Variants in NEK11 observed in about 807,000 individuals in gnomAD.
NEK11 encodes serine/threonine-protein kinase Nek11.
NEK11 carries 72 observed loss-of-function variants against 80.7 expected under a neutral mutation model. The ratio of observed to expected loss-of-function variants is 0.89; its 90% confidence interval spans 0.74 to 1.08. The LOEUF (loss-of-function observed/expected upper bound fraction) is 1.08. Ranked by LOEUF, NEK11 falls within the 50% of genes least tolerant of loss-of-function variation. NEK11 has a pLI of 0.00. For synonymous variants in NEK11, 251 were observed against 260.7 expected (o/e 0.96, Z 0.36); for missense variants, 764 against 763.6 (o/e 1.00, Z -0.01).
chr3:131,190,240 T>C (rs374456523), intron 14 of NEK11, among the ~76,000 whole-genome samples: 1 of 152,194 alleles, frequency 6.6e-6, no homozygotes, highest in African/African-American at 2.4e-5. Flanking sequence ...GGCACTGTCC[T>C]GTGCACTGAG....
chr3:131,069,449 C>G (rs1390917944), intron 3 of NEK11, among the ~76,000 whole-genome samples: 2 of 152,128 alleles, frequency 1.3e-5, no homozygotes, highest in Non-Finnish European at 2.9e-5. Flanking sequence ...ACTAGAAATA[C>G]CATTTGACCC....
intron 4 of NEK11, among the ~76,000 whole-genome samples, chr3:131,108,220 G>A (rs980722638): frequency 1.3e-5 from 2 of 152,092 alleles, no homozygotes; most frequent in Non-Finnish European, 2.9e-5. Flanking sequence ...AATAAAAAGT[G>A]CATTAGAAGT....
intron 17 of NEK11, among the ~76,000 whole-genome samples, chr3:131,334,540 A>G (rs2097149286): frequency 6.6e-6 from 1 of 151,116 alleles, no homozygotes. Flanking sequence ...TGACACCCTA[A>G]CATCACAATT....
chr3:131,337,877 A>G (rs990436724), intron 17 of NEK11, among the ~76,000 whole-genome samples: 3 of 152,190 alleles, frequency 2.0e-5, no homozygotes, highest in Non-Finnish European at 4.4e-5. Context: ...CAGGAGTTAT[A>G]TCGCATACCT....
intron 16 of NEK11, among the ~76,000 whole-genome samples, chr3:131,272,724 C>T (rs2096221324): frequency 6.6e-6 from 1 of 152,024 alleles, no homozygotes; most frequent in Admixed American, 6.6e-5. Context: ...GATCCGCCCA[C>T]CTCAGCCTTC....
intron 14 of NEK11, among the ~76,000 whole-genome samples, chr3:131,223,692 C>T (rs991615842): frequency 2.0e-5 from 3 of 152,108 alleles, no homozygotes; most frequent in East Asian, 3.9e-4. Context: ...TACTATCTAG[C>T]CCTTTACAGA....
chr3:131,326,038 T>C (rs1350913749), intron 17 of NEK11: 1 of 152,328 alleles, frequency 6.6e-6, no homozygotes, highest in Non-Finnish European at 1.5e-5. Flanking sequence ...AAAGTTGGAA[T>C]TGTCATGAAA....
intron 16 of NEK11, among the ~76,000 whole-genome samples, chr3:131,256,138 A>G (rs997904348): frequency 3.3e-5 from 5 of 152,164 alleles, no homozygotes; most frequent in Admixed American, 1.3e-4. Flanking sequence ...TCGGTATTCT[A>G]TTGCACAGTT....
chr3:131,240,525 T>TTTGTTG (rs200902975), intron 15 of NEK11, among the ~76,000 whole-genome samples: 216 of 151,954 alleles, frequency 1.4e-3, no homozygotes, highest in African/African-American at 4.9e-3. Context: ...ATAATTGGTT[T>TTTGTTG]TTGTTGTTGT....
chr3:131,027,461 C>G (rs894605500), intron 1 of NEK11: 2 of 151,926 alleles, frequency 1.3e-5, no homozygotes, highest in African/African-American at 4.8e-5. Context: ...ATCTAGCTTT[C>G]TTAACTAACC....
In NEK11 at chr3:131,039,113, G is replaced by T. The variant is rs191161099; in HGVS notation, c.170+9235G>T. On this transcript the variant is annotated intron_variant, in intron 3 of 17. Coordinates refer to ENST00000383366, the MANE Select transcript of NEK11 (RefSeq NM_024800.5). The stretch of plus-strand genomic sequence containing the variant: ...GTATCTCATTTATTCAATAAATAAA[G>T]TATTTTAGGATGAGTGCAAAAAATG... Among the ~76,000 whole-genome samples, 75 of 152,208 alleles carry T rather than the reference G, an allele frequency of 4.9e-4. 1 individual carries two copies. The highest frequency in any genetic ancestry group is 1.0e-3 in the Non-Finnish European group (68 of 68,002).
intron 3 of NEK11, among the ~76,000 whole-genome samples, chr3:131,071,925 C>A (rs1276923152): frequency 1.3e-5 from 2 of 152,196 alleles, no homozygotes; most frequent in South Asian, 2.1e-4. Flanking sequence ...TCTTTTTATA[C>A]AGCATAGCTA....
chr3:131,111,641 A>C (rs2080146862), intron 5 of NEK11, among the ~76,000 whole-genome samples: 1 of 152,146 alleles, frequency 6.6e-6, no homozygotes, highest in Non-Finnish European at 1.5e-5. Flanking sequence ...TCATGAGAGC[A>C]AGCTCTCCTC....
intron 14 of NEK11, among the ~76,000 whole-genome samples, chr3:131,196,020 A>G (rs2093995805): frequency 6.6e-6 from 1 of 151,384 alleles, no homozygotes; most frequent in Non-Finnish European, 1.5e-5. Context: ...TAATATATTG[A>G]AAGTCCTTTG....
chr3:131,224,075 C>G (rs1312504101), intron 14 of NEK11, among the ~76,000 whole-genome samples: 4 of 152,114 alleles, frequency 2.6e-5, no homozygotes, highest in Non-Finnish European at 1.5e-5. Flanking sequence ...GCTATCATAG[C>G]CATCATAACA....
intron 4 of NEK11, chr3:131,092,990 T>C (rs1368906997): frequency 6.6e-6 from 1 of 152,220 alleles, no homozygotes; most frequent in East Asian, 1.9e-4. Flanking sequence ...TTCCAGTTGC[T>C]TATGAAGTGA....
intron 10 of NEK11, among the ~76,000 whole-genome samples, chr3:131,159,261 G>T (rs140668897): frequency 1.6e-3 from 240 of 152,276 alleles, no homozygotes; most frequent in African/African-American, 5.6e-3. Context: ...CAGTACCTCC[G>T]TAGCAAGGGT....
intron 11 of NEK11, chr3:131,165,223 G>A (rs1466577466): frequency 1.6e-5 from 8 of 504,842 alleles, no homozygotes; most frequent in African/African-American, 1.6e-4. Context: ...GGGTGAATAA[G>A]GAACCAGAGT....
chr3:131,324,643 A>G (rs998147701), intron 17 of NEK11, among the ~76,000 whole-genome samples: 1 of 152,232 alleles, frequency 6.6e-6, no homozygotes, highest in African/African-American at 2.4e-5. Flanking sequence ...GACTTCATCA[A>G]GTGGGCTATG....
Sources: allele counts gnomAD v4.1 joint callset (sites outside exome capture counted in the v4.1 genomes callset), GRCh38; gene constraint gnomAD v4.1.1; transcripts MANE v1.5; gene names NCBI Gene and HGNC (gene_info 2026-07-23, HGNC 2026-07-21).